The following AGAP1 variants were observed in gnomAD, a reference collection of about 807,000 sequenced individuals.
AGAP1 encodes the protein ArfGAP with GTPase domain, ankyrin repeat and PH domain 1.
Under a neutral mutation model 105.3 loss-of-function variants are expected in AGAP1, and 29 were observed. The ratio of observed to expected loss-of-function variants is 0.28; its 90% CI spans 0.21 to 0.38. The LOEUF is 0.38. Among genes scored for constraint, AGAP1 ranks in the 10% least tolerant of loss-of-function variants. The probability of loss-of-function intolerance (pLI) is 1.00; values close to 1 mark genes in which losing one functional copy is unlikely to be tolerated. For missense variants in AGAP1, 998 were observed against 1,165.1 expected (o/e 0.86, Z 2.09); for synonymous variants, 509 against 485.9 (o/e 1.05, Z -0.63).
chr2:236,030,422 C>G (rs1379145921), intron 13 of AGAP1, among the ~76,000 whole-genome samples: 1 of 152,212 alleles, frequency 6.6e-6, no homozygotes, highest in Non-Finnish European at 1.5e-5. Flanking sequence ...GGGAAGCTTT[C>G]CTGTAGAGAA....
At chr2:235,694,899 C>T (rs1029568981) in intron 1 of AGAP1, among the ~76,000 whole-genome samples, 3 of 152,122 alleles carry the variant, frequency 2.0e-5, no homozygotes, top group African/African-American at 7.2e-5. Flanking sequence ...TGGGGGGTTC[C>T]GGCTTCTTCG....
intron 1 of AGAP1, among the ~76,000 whole-genome samples, chr2:235,694,478 CAAAAAAA>C (rs1055692749): frequency 1.2e-3 from 92 of 73,674 alleles, no homozygotes; most frequent in East Asian, 3.8e-3. Flanking sequence ...GACTCTGTCT[CAAAAAAA>C]AAAAAAAAAA....
intron 13 of AGAP1, among the ~76,000 whole-genome samples, chr2:236,016,730 T>TCAGTACTGGATAGCACTG (rs2056716931): frequency 6.6e-6 from 1 of 152,168 alleles, no homozygotes; most frequent in Non-Finnish European, 1.5e-5. Context: ...CTGAAATCTG[T>TCAGTACTGGATAGCACTG]CAGTACTGGA....
intron 6 of AGAP1, among the ~76,000 whole-genome samples, chr2:235,765,731 T>G (rs534846467): frequency 6.6e-6 from 1 of 152,340 alleles, no homozygotes. Flanking sequence ...ATCTTTATGG[T>G]CTGTGAATTC....
intron 9 of AGAP1, among the ~76,000 whole-genome samples, chr2:235,870,755 C>T (rs1400671341): frequency 1.3e-5 from 2 of 152,194 alleles, no homozygotes; most frequent in Non-Finnish European, 2.9e-5. Context: ...TATATTCTCC[C>T]CAGGAGGCAT....
chr2:235,971,848 G>A lies in AGAP1; in HGVS notation c.1645+3225G>A, dbSNP rs532904951. Among the ~76,000 whole-genome samples, 4 of 151,352 alleles carry A rather than the reference G, an allele frequency of 2.6e-5. No individual in the cohort carries two copies. Among genetic ancestry groups the A allele is most frequent in the South Asian group, 4.2e-4 (2 of 4,780 alleles). On this transcript the variant is annotated intron_variant, in intron 13 of 17. Transcript: ENST00000304032. This position sits in a 1 kb window ranked among gnomAD's most constrained non-coding sequence, Gnocchi z 4.8. The stretch of plus-strand genomic sequence containing the variant: ...GGCTGGGGTGTAGTGGTGCAGTCAC[G>A]GCTCACTGCAGCCTCGAACTCCCAG...
rs952083194 is a variant in AGAP1 at position 236,045,564 on chromosome 2, A to T, written c.1892-3495A>T. Among the ~76,000 whole-genome samples, 1 of 152,236 alleles carries T rather than the reference A, an allele frequency of 6.6e-6. No individual in the cohort carries two copies. Among genetic ancestry groups the T allele is most frequent in the African/African-American group, 2.4e-5 (1 of 41,460 alleles). On this transcript the variant is annotated intron_variant, in intron 15 of 17. Transcript: ENST00000304032. The surrounding 1 kb of genome is among the most constrained non-coding windows in gnomAD (Gnocchi z 6.9). ...GGCAGTGCTAGCAGGTGGCACGCACACAGGTGTGAGGGCCTGGAGAGCAGG... is the reference window on the plus strand; with the variant it reads ...GGCAGTGCTAGCAGGTGGCACGCACTCAGGTGTGAGGGCCTGGAGAGCAGG...
Position 235,692,138 on chromosome 2 carries a change from T to TG in AGAP1, c.164-17040dup, listed in dbSNP as rs1446407877. On this transcript the variant is annotated intron_variant, in intron 1 of 17. Coordinates refer to ENST00000304032, the MANE Select transcript of AGAP1 (RefSeq NM_001037131.3). This position sits in a 1 kb window ranked among gnomAD's most constrained non-coding sequence, Gnocchi z 5.8. ...TATTCATCTAAGAAGCTTTTGTACA[T>TG]GCGTTATGTATCCATAAGCCAAAGC... 1.3e-5 allele frequency among the ~76,000 whole-genome samples: 2 copies of TG among 152,170 alleles called. No individual in the cohort carries two copies. Among genetic ancestry groups the TG allele is most frequent in the East Asian group, 3.9e-4 (2 of 5,186 alleles).
intron 1 of AGAP1, among the ~76,000 whole-genome samples, chr2:235,605,565 C>G (rs900537570): frequency 3.3e-5 from 5 of 152,220 alleles, no homozygotes; most frequent in Admixed American, 2.0e-4. Flanking sequence ...GTGTGGGTCC[C>G]TAACGGCTGG....
chr2:235,704,821 T>C (rs1352748900), intron 1 of AGAP1, among the ~76,000 whole-genome samples: 1 of 152,086 alleles, frequency 6.6e-6, no homozygotes, highest in East Asian at 1.9e-4. Context: ...AGGGGGACTT[T>C]CCCAAGTGTC....
At chr2:235,783,441 T>C in intron 6 of AGAP1, 1 of 468,966 alleles carries the variant, frequency 2.1e-6, no homozygotes. Context: ...GACATCACCA[T>C]GTTCTCATAG....
Position 235,789,925 on chromosome 2 carries a change from T to C in AGAP1, c.674-7834T>C, listed in dbSNP as rs1035888348. ...TTATGACCTGTTTAGTTGCAGGATG[T>C]CTTACCTTCCTTGTTAGTATTTGTT... On this transcript the variant is annotated intron_variant, in intron 6 of 17. Transcript: ENST00000304032. This position sits in a 1 kb window ranked among gnomAD's most constrained non-coding sequence, Gnocchi z 4.2. Among the ~76,000 whole-genome samples the C allele has an allele frequency of 2.0e-5, 3 of 152,228 alleles. No homozygotes were observed. Among genetic ancestry groups the C allele is most frequent in the African/African-American group, 7.2e-5 (3 of 41,464 alleles).
In AGAP1 at chr2:235,957,472, A is replaced by G. The variant is rs187240213; in HGVS notation, c.1484-10990A>G. 1.2e-3 allele frequency among the ~76,000 whole-genome samples: 179 copies of G among 152,206 alleles called. 1 individual carries two copies. The highest frequency in any genetic ancestry group is 1.7e-3 in the Non-Finnish European group (117 of 68,002). Reference sequence around the variant, plus strand: ...GCCGTGTCCCCGCTGCCCCTCTGACATTGTGTACCTCTGTGTGAGCGGCAA... The same window carrying G: ...GCCGTGTCCCCGCTGCCCCTCTGACGTTGTGTACCTCTGTGTGAGCGGCAA... On this transcript the variant is annotated intron_variant, in intron 12 of 17. Coordinates refer to ENST00000304032, the MANE Select transcript of AGAP1 (RefSeq NM_001037131.3). This position sits in a 1 kb window ranked among gnomAD's most constrained non-coding sequence, Gnocchi z 4.6.
chr2:236,040,546 TTCCTCCC>T lies in AGAP1; in HGVS notation c.1801-201_1801-195del. The T allele has an allele frequency of 6.4e-6, 1 of 156,294 alleles. No homozygotes were observed. The allele number at this position is 156,294 out of a possible 1,614,324, so 9.7% of individuals were successfully genotyped here. ...CAGCTGATGAGTTAAAATGTGACAT[TTCCTCCC>T]TCCCCCCGCCCCATGCATGATGATT... On this transcript the variant is annotated intron_variant, in intron 14 of 17. Transcript: ENST00000304032. This position sits in a 1 kb window ranked among gnomAD's most constrained non-coding sequence, Gnocchi z 5.6.
intron 9 of AGAP1, among the ~76,000 whole-genome samples, chr2:235,871,562 G>A (rs1237242938): frequency 1.3e-5 from 2 of 152,196 alleles, no homozygotes; most frequent in African/African-American, 4.8e-5. Flanking sequence ...TCAGCCAACT[G>A]CCTAGTTCCA....
Position 235,936,068 on chromosome 2 carries a change from G to A in AGAP1, c.1483+5145G>A, listed in dbSNP as rs1223913106. 3.3e-5 allele frequency among the ~76,000 whole-genome samples: 5 copies of A among 152,188 alleles called. No homozygotes were observed. Among genetic ancestry groups the A allele is most frequent in the Admixed American group, 3.3e-4 (5 of 15,282 alleles). On this transcript the variant is annotated intron_variant, in intron 12 of 17. Transcript: ENST00000304032. The surrounding 1 kb of genome is among the most constrained non-coding windows in gnomAD (Gnocchi z 4.7). ...TGGCAGCCTCGCTCCCCCAGCCCTG[G>A]ACTGTCAGGTTCTTCTGATAGCTCC...
In AGAP1 at chr2:235,833,857, T is replaced by TG. The variant is rs200031758; in HGVS notation, c.1050+26526_1050+26527insG. 7.0e-4 allele frequency among the ~76,000 whole-genome samples: 93 copies of TG among 133,294 alleles called. 1 individual carries two copies. Among genetic ancestry groups the TG allele is most frequent in the Middle Eastern group, 3.7e-3 (1 of 272 alleles). 87.4% of individuals were successfully genotyped at this position (133,294 alleles called of 152,430 possible). The stretch of plus-strand genomic sequence containing the variant: ...TCTCACTCCAATCCTCCAATCTGGT[T>TG]TTTTTTTTTTTTTTTTTAAAGCTCT... On this transcript the variant is annotated intron_variant, in intron 9 of 17. Transcript: ENST00000304032.
chr2:235,837,066 A>C (rs1320044188), intron 9 of AGAP1, among the ~76,000 whole-genome samples: 1 of 151,680 alleles, frequency 6.6e-6, no homozygotes, highest in Non-Finnish European at 1.5e-5. Context: ...GCTTACCGCA[A>C]CCTCCGCCTC....
intron 4 of AGAP1, among the ~76,000 whole-genome samples, chr2:235,742,382 G>A (rs1222013492): frequency 1.3e-5 from 2 of 152,130 alleles, no homozygotes; most frequent in Non-Finnish European, 2.9e-5. Context: ...TGAAACAGCC[G>A]CAATAATTAG....
Sources: allele counts gnomAD v4.1 joint callset (sites outside exome capture counted in the v4.1 genomes callset), GRCh38; gene constraint gnomAD v4.1.1; non-coding constraint Gnocchi (gnomAD v3.1); transcripts MANE v1.5; gene names NCBI Gene and HGNC (gene_info 2026-07-23, HGNC 2026-07-21).